Variants in HLCS observed in about 807,000 individuals in gnomAD.
HLCS encodes the protein holocarboxylase synthetase, also known as biotin--protein ligase.
HLCS carries 53 observed loss-of-function variants against 75.0 expected under a neutral mutation model. The observed-to-expected ratio is 0.71, with a 90% confidence interval of 0.57 to 0.89. HLCS has a LOEUF of 0.89. Among genes scored for constraint, HLCS ranks in the 40% least tolerant of loss-of-function variants. HLCS has a pLI of 0.00. For synonymous variants in HLCS, 431 were observed against 428.6 expected (o/e 1.01, Z -0.07); for missense variants, 966 against 1,074.0 (o/e 0.90, Z 1.41).
intron 6 of HLCS, among the ~76,000 whole-genome samples, chr21:36,831,974 G>A (rs984329758): frequency 6.6e-6 from 1 of 152,086 alleles, no homozygotes; most frequent in African/African-American, 2.4e-5. Context: ...AGGACACAGG[G>A]CACAGCTAAG....
At chr21:36,913,021 C>T (rs1312653924) in intron 5 of HLCS, among the ~76,000 whole-genome samples, 3 of 152,224 alleles carry the variant, frequency 2.0e-5, no homozygotes, top group African/African-American at 7.2e-5. Context: ...AAAGCCACCA[C>T]TTTCTGCACA....
chr21:36,805,380 C>T (rs1381553667), intron 6 of HLCS, among the ~76,000 whole-genome samples: 4 of 152,192 alleles, frequency 2.6e-5, no homozygotes, highest in Admixed American at 6.5e-5. Flanking sequence ...CCTCCCAGGC[C>T]GCACGGAGTC....
intron 6 of HLCS, among the ~76,000 whole-genome samples, chr21:36,809,312 A>G (rs1222269277): frequency 6.6e-6 from 1 of 152,188 alleles, no homozygotes; most frequent in Non-Finnish European, 1.5e-5. Flanking sequence ...TCCAGTGAGA[A>G]GTCAGCCATT....
intron 6 of HLCS, among the ~76,000 whole-genome samples, chr21:36,879,323 T>A (rs1485287717): frequency 2.0e-5 from 3 of 152,162 alleles, no homozygotes; most frequent in African/African-American, 7.2e-5. Flanking sequence ...ATATGATTAT[T>A]TATAATAGGA....
intron 6 of HLCS, among the ~76,000 whole-genome samples, chr21:36,869,178 G>A (rs2063683781): frequency 6.6e-6 from 1 of 152,000 alleles, no homozygotes; most frequent in Non-Finnish European, 1.5e-5. Context: ...AGGCTGGAGT[G>A]CAGTGGTGCG....
chr21:36,857,392 C>T (rs2063231922), intron 6 of HLCS, among the ~76,000 whole-genome samples: 1 of 152,202 alleles, frequency 6.6e-6, no homozygotes, highest in African/African-American at 2.4e-5. Flanking sequence ...AGGAGAGATA[C>T]AGAGAACCTC....
At chr21:36,829,489 T>C (rs973326232) in intron 6 of HLCS, among the ~76,000 whole-genome samples, 3 of 152,250 alleles carry the variant, frequency 2.0e-5, no homozygotes, top group African/African-American at 7.2e-5. Context: ...TACAAGAGAA[T>C]GCATAATATA....
At chr21:36,897,966 C>G (rs2146339541) in intron 5 of HLCS, among the ~76,000 whole-genome samples, 1 of 152,286 alleles carries the variant, frequency 6.6e-6, no homozygotes. Context: ...AAACACAGAT[C>G]CAGGCTCTTA....
chr21:36,774,196 C>T (rs1037935922), intron 6 of HLCS, among the ~76,000 whole-genome samples: 10 of 152,044 alleles, frequency 6.6e-5, no homozygotes, highest in South Asian at 2.1e-4. Flanking sequence ...GCAGGGTCCA[C>T]GGCACAAAGC....
chr21:36,972,011 T>C (rs985855613), intron 1 of HLCS: 2 of 152,106 alleles, frequency 1.3e-5, no homozygotes, highest in Non-Finnish European at 2.9e-5. Flanking sequence ...CTTTAGAAGG[T>C]TGTTTGTGAC....
At chr21:36,844,223 GC>G (rs2062717219) in intron 6 of HLCS, among the ~76,000 whole-genome samples, 1 of 152,216 alleles carries the variant, frequency 6.6e-6, no homozygotes, top group African/African-American at 2.4e-5. Flanking sequence ...ATAGAACTCC[GC>G]AGCACGAGGA....
At chr21:36,843,481 A>G (rs949311503) in intron 6 of HLCS, among the ~76,000 whole-genome samples, 1 of 151,846 alleles carries the variant, frequency 6.6e-6, no homozygotes, top group South Asian at 2.1e-4. Context: ...AGAAAGAAAA[A>G]GAAGTATCTG....
At chr21:36,805,037 G>A (rs1427106172) in intron 6 of HLCS, among the ~76,000 whole-genome samples, 1 of 152,178 alleles carries the variant, frequency 6.6e-6, no homozygotes, top group African/African-American at 2.4e-5. Flanking sequence ...ACATTGTGGA[G>A]AGATTAAGCA....
At chr21:36,774,059 T>C (rs546770659) in intron 6 of HLCS, among the ~76,000 whole-genome samples, 77 of 152,246 alleles carry the variant, frequency 5.1e-4, no homozygotes, top group African/African-American at 1.7e-3. Flanking sequence ...AAATGAACAG[T>C]GGTTTCTGCT....
chr21:36,768,660 C>T (rs1428313946), intron 6 of HLCS, among the ~76,000 whole-genome samples: 2 of 152,240 alleles, frequency 1.3e-5, no homozygotes, highest in Non-Finnish European at 2.9e-5. Context: ...AGGCACAGGA[C>T]GCTTTCGGCG....
intron 6 of HLCS, among the ~76,000 whole-genome samples, chr21:36,848,275 T>G (rs2062866639): frequency 1.3e-5 from 2 of 151,316 alleles, no homozygotes; most frequent in Admixed American, 6.6e-5. Context: ...ATTGTTGTTT[T>G]TTTTTTTTTT....
intron 6 of HLCS, among the ~76,000 whole-genome samples, chr21:36,797,918 G>T (rs2061076302): frequency 6.6e-6 from 1 of 152,146 alleles, no homozygotes; most frequent in Non-Finnish European, 1.5e-5. Flanking sequence ...CTTACGTTCT[G>T]GCAGGAGGAG....
chr21:36,838,460 C>T (rs907502288), intron 6 of HLCS, among the ~76,000 whole-genome samples: 1 of 152,254 alleles, frequency 6.6e-6, no homozygotes, highest in South Asian at 2.1e-4. Context: ...AATCTCAGCA[C>T]TTTGGGAGGC....
In HLCS at chr21:36,748,789, G is replaced by C. The variant is rs920226252; in HGVS notation, c.*5457C>G. On this transcript the variant is annotated 3_prime_UTR_variant, in exon 11 of 11. Transcript: ENST00000674895. ...TTCCCCCTAACCCCTATGAACTCTTGATAACACCAAGAGTAGCACCTTCAG... is the reference window on the plus strand; with the variant it reads ...TTCCCCCTAACCCCTATGAACTCTTCATAACACCAAGAGTAGCACCTTCAG... The C allele has an allele frequency of 6.6e-6, 1 of 152,504 alleles. No individual in the cohort carries two copies. Among genetic ancestry groups the C allele is most frequent in the Non-Finnish European group, 1.5e-5 (1 of 68,026 alleles). The allele number at this position is 152,504 out of a possible 1,614,324, so 9.4% of individuals were successfully genotyped here.
Sources: allele counts gnomAD v4.1 joint callset (sites outside exome capture counted in the v4.1 genomes callset), GRCh38; gene constraint gnomAD v4.1.1; transcripts MANE v1.5; gene names NCBI Gene and HGNC (gene_info 2026-07-23, HGNC 2026-07-21).